Variants in GNA14 observed in about 807,000 individuals in gnomAD.
The protein encoded by GNA14 is G protein subunit alpha 14.
GNA14 carries 50 observed loss-of-function variants against 42.0 expected under a neutral mutation model. The observed-to-expected ratio is 1.19, with a 90% CI of 0.95 to 1.51. The LOEUF is 1.51. Among genes scored for constraint, GNA14 ranks in the 40% most tolerant of loss-of-function variants. The pLI, the probability that GNA14 is intolerant of heterozygous loss-of-function variation, is 0.00. For synonymous variants in GNA14, 173 were observed against 163.1 expected (o/e 1.06, Z -0.46); for missense variants, 473 against 446.2 (o/e 1.06, Z -0.54).
rs1835404391 is a variant in GNA14 at position 77,423,410 on chromosome 9, G to T, written c.*569C>A. The T allele has an allele frequency of 6.6e-6, 1 of 151,958 alleles. No homozygotes were observed. Among genetic ancestry groups the T allele is most frequent in the African/African-American group, 2.4e-5 (1 of 41,346 alleles). The allele number at this position is 151,958 out of a possible 1,614,324, so 9.4% of individuals were successfully genotyped here. ...ATATACTTATATATCCATTAATTTGGCTTAGAAAGTTAACACACAAAAAGA... is the reference window on the plus strand; with the variant it reads ...ATATACTTATATATCCATTAATTTGTCTTAGAAAGTTAACACACAAAAAGA... On this transcript the variant is annotated 3_prime_UTR_variant, in exon 7 of 7. Coordinates refer to ENST00000341700, the MANE Select transcript of GNA14 (RefSeq NM_004297.4).
intron 2 of GNA14, among the ~76,000 whole-genome samples, chr9:77,455,823 T>C (rs1028055908): frequency 6.6e-6 from 1 of 152,194 alleles, no homozygotes; most frequent in African/African-American, 2.4e-5. Context: ...GAAACAAATA[T>C]GTGGCTAAGT....
intron 2 of GNA14, among the ~76,000 whole-genome samples, chr9:77,477,218 G>A (rs1007422214): frequency 6.6e-6 from 1 of 152,100 alleles, no homozygotes; most frequent in Admixed American, 6.5e-5. Flanking sequence ...TTAGCCGGGT[G>A]TGCTGGCGTG....
At chr9:77,552,126 C>CAAAAAAAAA (rs34493872) in intron 1 of GNA14, among the ~76,000 whole-genome samples, 26 of 85,030 alleles carry the variant, frequency 3.1e-4, no homozygotes, top group Non-Finnish European at 4.5e-4. Flanking sequence ...AACTCCATCT[C>CAAAAAAAAA]AAAAAAAAAA....
intron 2 of GNA14, among the ~76,000 whole-genome samples, chr9:77,488,698 G>A (rs1836701589): frequency 2.0e-5 from 3 of 147,860 alleles, no homozygotes; most frequent in Admixed American, 1.4e-4. Flanking sequence ...GCACCCTCTA[G>A]TGCCAAAAAG....
At chr9:77,427,857 A>G (rs1172668595) in intron 5 of GNA14, among the ~76,000 whole-genome samples, 2 of 152,172 alleles carry the variant, frequency 1.3e-5, no homozygotes, top group Non-Finnish European at 2.9e-5. Flanking sequence ...AGCATCTAGC[A>G]CCACTGCCCA....
At chr9:77,624,887 A>C (rs1823989237) in intron 1 of GNA14, among the ~76,000 whole-genome samples, 1 of 152,092 alleles carries the variant, frequency 6.6e-6, no homozygotes, top group Non-Finnish European at 1.5e-5. Flanking sequence ...AGGGAACAAA[A>C]TTGGATGGAG....
chr9:77,517,900 T>C (rs1243762691), intron 2 of GNA14: 1 of 152,110 alleles, frequency 6.6e-6, no homozygotes, highest in Non-Finnish European at 1.5e-5. Context: ...CCACCATGCC[T>C]GGCCATATCC....
Position 77,484,620 on chromosome 9 carries a change from T to C in GNA14, c.309+44449A>G, listed in dbSNP as rs140113852. Among the ~76,000 whole-genome samples the C allele has an allele frequency of 2.4e-3, 368 of 152,304 alleles. 2 individuals carry two copies. The highest frequency in any genetic ancestry group is 0.012 in the South Asian group (59 of 4,824). ...CTGCTCTTTTTCATTTTATATCTTG[T>C]AGTACAGTTGTCCCCTTTATCCATG... On this transcript the variant is annotated intron_variant, in intron 2 of 6. Coordinates refer to ENST00000341700, the MANE Select transcript of GNA14 (RefSeq NM_004297.4).
At chr9:77,635,735 T>G (rs572776460) in intron 1 of GNA14, among the ~76,000 whole-genome samples, 2 of 152,212 alleles carry the variant, frequency 1.3e-5, no homozygotes, top group African/African-American at 4.8e-5. Context: ...TCATAATCAA[T>G]GTTGCCTTAG....
At chr9:77,432,763 T>A (rs1340454399) in intron 3 of GNA14, among the ~76,000 whole-genome samples, 1 of 152,124 alleles carries the variant, frequency 6.6e-6, no homozygotes, top group Non-Finnish European at 1.5e-5. Context: ...CTGAATTCTG[T>A]AGCAGGTCTG....
chr9:77,446,149 C>T lies in GNA14; in HGVS notation c.310-11627G>A, dbSNP rs567774465. Reference sequence around the variant, plus strand: ...CGGGAGCTCTCAGACCAAAAGACCCCTCCACAGAGAAGTAACAAATGCTTT... The same window carrying T: ...CGGGAGCTCTCAGACCAAAAGACCCTTCCACAGAGAAGTAACAAATGCTTT... On this transcript the variant is annotated intron_variant, in intron 2 of 6. Coordinates refer to ENST00000341700, the MANE Select transcript of GNA14 (RefSeq NM_004297.4). Among the ~76,000 whole-genome samples, 146 of 152,340 alleles carry T rather than the reference C, an allele frequency of 9.6e-4. 1 individual carries two copies. Among genetic ancestry groups the T allele is most frequent in the Non-Finnish European group, 1.8e-3 (123 of 68,030 alleles).
intron 1 of GNA14, among the ~76,000 whole-genome samples, chr9:77,564,604 G>A (rs1215826775): frequency 2.0e-5 from 3 of 152,056 alleles, no homozygotes; most frequent in African/African-American, 4.8e-5. Context: ...AGGCGGAGGC[G>A]GGCAGATCAC....
chr9:77,646,201 C>T (rs899986560), intron 1 of GNA14, among the ~76,000 whole-genome samples: 28 of 152,232 alleles, frequency 1.8e-4, no homozygotes, highest in African/African-American at 5.1e-4. Flanking sequence ...CCCTCCACTC[C>T]TACCCAGCCC....
In GNA14 at chr9:77,471,202, C is replaced by T. The variant is rs530317348; in HGVS notation, c.310-36680G>A. ...ACCAGGAAATTACATGGAAAAGAAA[C>T]GCTGGGGCCAATTAAGGAGAACTTT... On this transcript the variant is annotated intron_variant, in intron 2 of 6. Transcript: ENST00000341700. 5.3e-5 allele frequency among the ~76,000 whole-genome samples: 8 copies of T among 152,230 alleles called. No homozygotes were observed. In the East Asian group the frequency reaches 1.5e-3, roughly 29 times the overall value.
intron 1 of GNA14, among the ~76,000 whole-genome samples, chr9:77,593,699 A>G (rs1823423000): frequency 6.6e-6 from 1 of 152,160 alleles, no homozygotes; most frequent in Non-Finnish European, 1.5e-5. Context: ...GTCAATTTGC[A>G]CCATCTAAGC....
At chr9:77,623,525 G>C (rs1823966531) in intron 1 of GNA14, among the ~76,000 whole-genome samples, 1 of 152,210 alleles carries the variant, frequency 6.6e-6, no homozygotes, top group Non-Finnish European at 1.5e-5. Flanking sequence ...CTCCCAGTGA[G>C]ATCAATGCAG....
intron 2 of GNA14, among the ~76,000 whole-genome samples, chr9:77,492,267 A>G (rs1189461121): frequency 6.6e-6 from 1 of 151,954 alleles, no homozygotes; most frequent in Non-Finnish European, 1.5e-5. Context: ...AGCCAAACCC[A>G]AAATTAGTAG....
intron 2 of GNA14, among the ~76,000 whole-genome samples, chr9:77,481,414 C>G (rs369033929): frequency 1.2e-3 from 189 of 152,218 alleles, no homozygotes; most frequent in Non-Finnish European, 1.5e-3. Flanking sequence ...GTCTGAGAGA[C>G]AGTTTGTTAT....
chr9:77,618,140 TA>T (rs1416933878), intron 1 of GNA14, among the ~76,000 whole-genome samples: 3 of 152,064 alleles, frequency 2.0e-5, no homozygotes, highest in Non-Finnish European at 4.4e-5. Flanking sequence ...CTAATTGATT[TA>T]AAAAACAACA....
Sources: allele counts gnomAD v4.1 joint callset (sites outside exome capture counted in the v4.1 genomes callset), GRCh38; gene constraint gnomAD v4.1.1; transcripts MANE v1.5; gene names NCBI Gene and HGNC (gene_info 2026-07-23, HGNC 2026-07-21).